The following LARGE1 variants were observed in gnomAD, a reference collection of about 807,000 sequenced individuals.
LARGE1 encodes LARGE xylosyl- and glucuronyltransferase 1.
Under a neutral mutation model 87.6 loss-of-function variants are expected in LARGE1, and 43 were observed. The ratio of observed to expected loss-of-function variants is 0.49; its 90% CI spans 0.38 to 0.63. The LOEUF (loss-of-function observed/expected upper bound fraction) is 0.63. LARGE1 is among the 30% of genes least tolerant of loss of function. The pLI is 0.00. For synonymous variants in LARGE1, 434 were observed against 394.6 expected (o/e 1.10, Z -1.18); for missense variants, 802 against 1,000.2 (o/e 0.80, Z 2.67).
intron 11 of LARGE1, among the ~76,000 whole-genome samples, chr22:33,241,952 C>A (rs73166222): frequency 0.091 from 13,772 of 152,022 alleles, 738 homozygotes; most frequent in Middle Eastern, 0.18. Flanking sequence ...AGAATGGTGA[C>A]TATAATTAAT....
chr22:33,545,264 CTTTTT>C (rs57882316), intron 6 of LARGE1, among the ~76,000 whole-genome samples: 6 of 132,034 alleles, frequency 4.5e-5, no homozygotes, highest in Admixed American at 1.5e-4. Context: ...CTTTCCTTTT[CTTTTT>C]TTTTTTTTTT....
At chr22:33,530,129 T>G (rs1004779697) in intron 6 of LARGE1, among the ~76,000 whole-genome samples, 1 of 152,220 alleles carries the variant, frequency 6.6e-6, no homozygotes, top group Non-Finnish European at 1.5e-5. Flanking sequence ...AAAGGCAGAC[T>G]TCTGGGAAGA....
chr22:33,710,784 A>G (rs1194005598), intron 2 of LARGE1, among the ~76,000 whole-genome samples: 1 of 152,220 alleles, frequency 6.6e-6, no homozygotes, highest in Non-Finnish European at 1.5e-5. Flanking sequence ...TACACATTAG[A>G]GAAGGAAATG....
chr22:33,722,150 C>T (rs1323328024), intron 2 of LARGE1, among the ~76,000 whole-genome samples: 3 of 151,782 alleles, frequency 2.0e-5, no homozygotes, highest in East Asian at 2.0e-4. Context: ...CTACTCGGGA[C>T]TCTGAGGCAG....
intron 1 of LARGE1, among the ~76,000 whole-genome samples, chr22:33,878,983 CCTTT>C (rs2064574786): frequency 7.9e-6 from 1 of 126,802 alleles, no homozygotes; most frequent in African/African-American, 2.9e-5. Flanking sequence ...TCTTCTTCTT[CCTTT>C]TTTTTTTTTT....
intron 9 of LARGE1, among the ~76,000 whole-genome samples, chr22:33,370,406 GAAGA>G (rs201017454): frequency 0.012 from 1,873 of 152,164 alleles, 18 homozygotes; most frequent in Non-Finnish European, 0.021. Context: ...ATTTGAAGCT[GAAGA>G]AAGGAAACAA....
At chr22:33,225,736 A>AC (rs1465457700) in intron 11 of LARGE1, among the ~76,000 whole-genome samples, 1 of 151,852 alleles carries the variant, frequency 6.6e-6, no homozygotes, top group Non-Finnish European at 1.5e-5. Flanking sequence ...ACTAGGCCCC[A>AC]CTGTCTGTTG....
rs1926920588 is a variant in LARGE1, at chr22:33,249,544, A to C, written c.1730+54685T>G. On this transcript the variant is annotated intron_variant, in intron 11 of 11. Transcript: ENST00000608642. ...CACAGAGCAGAAGTTTTCTATTTTAATGAAGTCTAGCCTATTAGTTATTTC... is the reference window on the plus strand; with the variant it reads ...CACAGAGCAGAAGTTTTCTATTTTACTGAAGTCTAGCCTATTAGTTATTTC... Among the ~76,000 whole-genome samples the C allele has an allele frequency of 1.3e-5, 2 of 152,122 alleles. 1 individual carries two copies. Among genetic ancestry groups the C allele is most frequent in the Admixed American group, 1.3e-4 (2 of 15,270 alleles).
chr22:33,653,907 G>A (rs566323552), intron 2 of LARGE1, among the ~76,000 whole-genome samples: 21 of 152,270 alleles, frequency 1.4e-4, no homozygotes, highest in African/African-American at 2.4e-4. Context: ...TGGTTAATCC[G>A]TAAGAACATG....
chr22:33,753,832 G>C (rs141061580), intron 2 of LARGE1, among the ~76,000 whole-genome samples: 399 of 152,230 alleles, frequency 2.6e-3, no homozygotes, highest in African/African-American at 9.4e-3. Flanking sequence ...GGCCAAGGTG[G>C]GCGGGTCACC....
intron 11 of LARGE1, among the ~76,000 whole-genome samples, chr22:33,195,098 G>A (rs537737578): frequency 1.7e-4 from 26 of 152,250 alleles, no homozygotes; most frequent in Non-Finnish European, 3.2e-4. Flanking sequence ...TAGTATATGT[G>A]CCTGTATCAA....
intron 6 of LARGE1, among the ~76,000 whole-genome samples, chr22:33,496,307 A>G (rs996747438): frequency 4.6e-5 from 7 of 152,142 alleles, no homozygotes; most frequent in East Asian, 3.9e-4. Flanking sequence ...ACCCTCATAG[A>G]CACACCCAGG....
chr22:33,854,185 C>A (rs1008628325), intron 1 of LARGE1, among the ~76,000 whole-genome samples: 1 of 104,128 alleles, frequency 9.6e-6, no homozygotes, highest in African/African-American at 3.7e-5. Flanking sequence ...CAGAGCTGAT[C>A]AATGTAATTA....
chr22:33,431,364 A>G lies in LARGE1; in HGVS notation c.892+797T>C, dbSNP rs1220895704. ...AATGAAGGACACCAATAACAGAGAA[A>G]GAAACTGAAGAGGAGATGCAAGTTT... On this transcript the variant is annotated intron_variant, in intron 7 of 14. Coordinates refer to ENST00000397394, the MANE Select transcript of LARGE1 (RefSeq NM_133642.5). Among the ~76,000 whole-genome samples the G allele has an allele frequency of 4.1e-5, 6 of 147,670 alleles. No individual in the cohort carries two copies. The East Asian group carries it at 1.2e-3, about 29-fold the overall frequency.
intron 6 of LARGE1, among the ~76,000 whole-genome samples, chr22:33,546,668 T>C (rs1300273011): frequency 1.3e-5 from 2 of 152,184 alleles, no homozygotes; most frequent in African/African-American, 2.4e-5. Flanking sequence ...CACTGCAACC[T>C]ATGCCTCCTG....
At chr22:33,264,151 T>C (rs1459366129) in intron 11 of LARGE1, among the ~76,000 whole-genome samples, 1 of 152,210 alleles carries the variant, frequency 6.6e-6, no homozygotes, top group Non-Finnish European at 1.5e-5. Flanking sequence ...AACTCCTTCA[T>C]ATTATAGACA....
At chr22:33,627,189 G>A (rs915414981) in intron 3 of LARGE1, among the ~76,000 whole-genome samples, 4 of 152,320 alleles carry the variant, frequency 2.6e-5, no homozygotes, top group Admixed American at 6.5e-5. Flanking sequence ...GCTACTGGGC[G>A]GGGCTGGCAT....
At chr22:33,652,739 C>T (rs987519684) in intron 2 of LARGE1, among the ~76,000 whole-genome samples, 2 of 152,186 alleles carry the variant, frequency 1.3e-5, no homozygotes, top group African/African-American at 4.8e-5. Context: ...TGATGAATTA[C>T]ACCCTGCAGG....
chr22:33,761,089 A>G (rs1048876171), intron 2 of LARGE1, among the ~76,000 whole-genome samples: 2 of 151,980 alleles, frequency 1.3e-5, no homozygotes, highest in Non-Finnish European at 2.9e-5. Flanking sequence ...CCAGGGCCCA[A>G]CCTTTTCTCC....
Sources: gnomAD v4.1 joint callset for allele counts (sites outside exome capture counted in the v4.1 genomes callset) on GRCh38, gnomAD v4.1.1 for gene constraint, MANE v1.5 for transcripts, NCBI Gene and HGNC (gene_info 2026-07-23, HGNC 2026-07-21) for gene names.